Variants in MAGI2 observed in about 807,000 individuals in gnomAD.
MAGI2 encodes membrane-associated guanylate kinase, WW and PDZ domain-containing protein 2.
Under a neutral mutation model 133.3 loss-of-function variants are expected in MAGI2, and 35 were observed. That is an observed-to-expected ratio of 0.26 (90% CI 0.20 to 0.35). MAGI2 has a LOEUF of 0.35. Ranked by LOEUF, MAGI2 falls within the 10% of genes least tolerant of loss-of-function variation. The pLI is 1.00. For synonymous variants in MAGI2, 729 were observed against 710.6 expected, an observed-to-expected ratio of 1.03 and a Z score of -0.41; for missense variants, 1,636 against 1,863.4, an observed-to-expected ratio of 0.88 and a Z score of 2.25.
chr7:78,741,276 G>C (rs896084208), intron 2 of MAGI2, among the ~76,000 whole-genome samples: 37 of 151,916 alleles, frequency 2.4e-4, no homozygotes, highest in African/African-American at 8.2e-4. Context: ...TAATGAGAGT[G>C]AGGTGACAGT....
intron 1 of MAGI2, among the ~76,000 whole-genome samples, chr7:79,448,762 G>T (rs1849032449): frequency 1.3e-5 from 2 of 152,080 alleles, no homozygotes; most frequent in African/African-American, 4.8e-5. Context: ...CATTATGAAA[G>T]TGAATTTGTG....
chr7:78,775,336 A>T (rs1190721851), intron 2 of MAGI2, among the ~76,000 whole-genome samples: 8 of 66,274 alleles, frequency 1.2e-4, no homozygotes, highest in African/African-American at 2.5e-4. Flanking sequence ...AAAAAAAAAA[A>T]AAAAAAAAAA....
At chr7:78,399,600 T>C (rs1796664999) in intron 6 of MAGI2, among the ~76,000 whole-genome samples, 1 of 152,018 alleles carries the variant, frequency 6.6e-6, no homozygotes, top group Non-Finnish European at 1.5e-5. Context: ...TGGTCAGCAG[T>C]TCCAGACCAC....
intron 3 of MAGI2, among the ~76,000 whole-genome samples, chr7:78,597,752 C>G (rs906548598): frequency 7.9e-5 from 12 of 152,106 alleles, no homozygotes; most frequent in Non-Finnish European, 1.6e-4. Context: ...GGGAACTAGG[C>G]TATTAAAATA....
At chr7:79,101,737 A>G (rs963766578) in intron 1 of MAGI2, among the ~76,000 whole-genome samples, 4 of 145,728 alleles carry the variant, frequency 2.7e-5, no homozygotes, top group East Asian at 3.9e-4. Context: ...AAAAAAAAAA[A>G]AAAGAAAAAA....
At chr7:78,611,308 T>G (rs553056799) in intron 3 of MAGI2, among the ~76,000 whole-genome samples, 1 of 152,218 alleles carries the variant, frequency 6.6e-6, no homozygotes, top group Non-Finnish European at 1.5e-5. Context: ...TTTCCTTGTT[T>G]CACTCCTTAA....
chr7:79,229,860 T>C (rs946819089), intron 1 of MAGI2, among the ~76,000 whole-genome samples: 1 of 151,646 alleles, frequency 6.6e-6, no homozygotes, highest in Non-Finnish European at 1.5e-5. Flanking sequence ...TAGTTACATA[T>C]GTATACATGT....
At chr7:78,801,194 T>C (rs1389218324) in intron 2 of MAGI2, among the ~76,000 whole-genome samples, 1 of 152,168 alleles carries the variant, frequency 6.6e-6, no homozygotes, top group Non-Finnish European at 1.5e-5. Context: ...AGAAATTTTT[T>C]CCTCAGCAAC....
chr7:79,449,353 ATT>A (rs11439144), intron 1 of MAGI2, among the ~76,000 whole-genome samples: 3 of 142,876 alleles, frequency 2.1e-5, no homozygotes, highest in Admixed American at 6.9e-5. Context: ...AAGAATTAGA[ATT>A]TTTTTTTTTT....
At chr7:78,062,524 G>T (rs143035711) in intron 21 of MAGI2, among the ~76,000 whole-genome samples, 8 of 152,254 alleles carry the variant, frequency 5.3e-5, no homozygotes, top group African/African-American at 1.9e-4. Flanking sequence ...GCCCCTCTCT[G>T]GCTTCCAAAT....
At chr7:79,355,948 A>C (rs1459559147) in intron 1 of MAGI2, among the ~76,000 whole-genome samples, 5 of 152,194 alleles carry the variant, frequency 3.3e-5, no homozygotes, top group Admixed American at 2.6e-4. Context: ...TAATCATGCC[A>C]TATAGAAGCA....
At chr7:78,557,868 A>G (rs1302401152) in intron 3 of MAGI2, among the ~76,000 whole-genome samples, 1 of 152,228 alleles carries the variant, frequency 6.6e-6, no homozygotes, top group East Asian at 1.9e-4. Context: ...ATGTACATGT[A>G]AGAAAAGGAT....
chr7:79,193,747 C>T (rs567814683), intron 1 of MAGI2, among the ~76,000 whole-genome samples: 9 of 151,876 alleles, frequency 5.9e-5, no homozygotes, highest in African/African-American at 1.9e-4. Flanking sequence ...ACTTTTTGTA[C>T]AAGGGCCCTA....
chr7:78,269,155 T>C (rs1384225974), intron 9 of MAGI2, among the ~76,000 whole-genome samples: 5 of 152,244 alleles, frequency 3.3e-5, no homozygotes, highest in Admixed American at 1.3e-4. Flanking sequence ...ATGGTGTATA[T>C]ATGCCACATT....
intron 2 of MAGI2, among the ~76,000 whole-genome samples, chr7:78,916,321 T>A (rs1798791669): frequency 6.6e-6 from 1 of 152,146 alleles, no homozygotes; most frequent in African/African-American, 2.4e-5. Context: ...AAATTAGAAC[T>A]CTATCCCGAT....
At chr7:78,321,467 A>G (rs995590462) in intron 9 of MAGI2, among the ~76,000 whole-genome samples, 5 of 152,172 alleles carry the variant, frequency 3.3e-5, no homozygotes, top group Admixed American at 2.0e-4. Context: ...ATAACACCAC[A>G]TATCTACAAC....
In MAGI2 at chr7:78,372,092, C is replaced by T. The variant is rs141433154; in HGVS notation, c.1046-2879G>A. The stretch of plus-strand genomic sequence containing the variant: ...TGTATATGTATATATGCATGTGTAC[C>T]TGTGTGTATATGTTGGCACATGTGT... On this transcript the variant is annotated intron_variant, in intron 6 of 21. Coordinates refer to ENST00000354212, the MANE Select transcript of MAGI2 (RefSeq NM_012301.4). Among the ~76,000 whole-genome samples the T allele has an allele frequency of 1.2e-4, 18 of 152,068 alleles. No homozygotes were observed. In the East Asian group the frequency reaches 3.1e-3, roughly 26 times the overall value.
chr7:79,383,597 T>C (rs1244245248), intron 1 of MAGI2, among the ~76,000 whole-genome samples: 1 of 151,554 alleles, frequency 6.6e-6, no homozygotes, highest in Non-Finnish European at 1.5e-5. Flanking sequence ...AATGTTCACA[T>C]ACCACAAATT....
chr7:79,399,975 C>T (rs1203041925), intron 1 of MAGI2, among the ~76,000 whole-genome samples: 2 of 152,072 alleles, frequency 1.3e-5, no homozygotes, highest in African/African-American at 2.4e-5. Flanking sequence ...TATATTTGAT[C>T]AAATGAAAAA....
Sources: allele counts gnomAD v4.1 joint callset (sites outside exome capture counted in the v4.1 genomes callset), GRCh38; gene constraint gnomAD v4.1.1; transcripts MANE v1.5; gene names NCBI Gene and HGNC (gene_info 2026-07-23, HGNC 2026-07-21).